Variants in CIAO2A observed in about 807,000 individuals in gnomAD.
The protein encoded by CIAO2A is cytosolic iron-sulfur assembly component 2A.
Under a neutral mutation model 22.4 loss-of-function variants are expected in CIAO2A, and 17 were observed. The observed-to-expected ratio is 0.76, with a 90% CI of 0.52 to 1.14. CIAO2A has a LOEUF of 1.14. Among genes scored for constraint, CIAO2A ranks in the 50% most tolerant of loss-of-function variants. The pLI is 0.00. For missense variants in CIAO2A, 192 were observed against 191.4 expected (o/e 1.00, Z -0.02); for synonymous variants, 74 against 72.3 (o/e 1.02, Z -0.12).
rs937155162 is a variant in CIAO2A, at chr15:64,078,280, T to C, written c.340-2743A>G. Among the ~76,000 whole-genome samples, 42 of 152,302 alleles carry C rather than the reference T, an allele frequency of 2.8e-4. 1 individual carries two copies. The highest frequency in any genetic ancestry group is 1.0e-3 in the African/African-American group (42 of 41,564). On this transcript the variant is annotated intron_variant, in intron 3 of 4. Transcript: ENST00000300030. ...AGACGTATTTATTGAGCTCCAAATA[T>C]GTATAAGATCATAGCAGGAACACAG...
chr15:64,084,485 T>G (rs1445766112), intron 2 of CIAO2A, among the ~76,000 whole-genome samples: 2 of 152,138 alleles, frequency 1.3e-5, no homozygotes, highest in Non-Finnish European at 2.9e-5. Flanking sequence ...AATATTTATA[T>G]AAGGCCAGGC....
At chr15:64,085,255 C>G (rs1050167413) in intron 2 of CIAO2A, among the ~76,000 whole-genome samples, 5 of 151,940 alleles carry the variant, frequency 3.3e-5, no homozygotes, top group Admixed American at 3.3e-4. Flanking sequence ...TTAATGATGG[C>G]CAGGTATGGT....
intron 4 of CIAO2A, among the ~76,000 whole-genome samples, chr15:64,073,431 T>C (rs1369361551): frequency 1.3e-5 from 2 of 152,228 alleles, no homozygotes; most frequent in Admixed American, 6.5e-5. Context: ...TTTAAACATA[T>C]AGCCTTCTTT....
chr15:64,077,807 C>T (rs1014655160), intron 3 of CIAO2A, among the ~76,000 whole-genome samples: 3 of 152,092 alleles, frequency 2.0e-5, no homozygotes, highest in East Asian at 1.9e-4. Context: ...GAGGAGGGAC[C>T]GCCATGAAGG....
intron 4 of CIAO2A, 61 bp from the exon 5 acceptor site, chr15:64,073,089 T>A: frequency 9.0e-7 from 1 of 1,112,726 alleles, no homozygotes; most frequent in Non-Finnish European, 1.3e-6. Context: ...CACCAGACAG[T>A]ATTTTTATTA....
chr15:64,088,722 G>A lies in CIAO2A; in HGVS notation c.254C>T (p.Pro85Leu). Residue 85 changes from proline to leucine, a missense_variant, in exon 2 of 5, where the codon CCA (proline) becomes CTA (leucine). Coordinates refer to ENST00000300030, the MANE Select transcript of CIAO2A (RefSeq NM_032231.7). ...CGCCAAAGAGCAATGAGGTACTGTT[G>A]GCGTGAACCTGATAATAACCAGATA... ...EEYLVIIRFT[P>L]TVPHCSLATL... 1 of 1,613,572 alleles carries A rather than the reference G, an allele frequency of 6.2e-7. No homozygotes were observed. The highest frequency in any genetic ancestry group is 1.3e-5 in the African/African-American group (1 of 74,992).
chr15:64,093,771 T>G lies in CIAO2A; in HGVS notation c.-3A>C, dbSNP rs749485156. 6.2e-7 allele frequency: 1 copy of G among 1,609,758 alleles called. No homozygotes were observed. Among genetic ancestry groups the G allele is most frequent in the African/African-American group, 1.3e-5 (1 of 74,822 alleles). Reference sequence around the variant, plus strand: ...AGCAGCCCGGACACCCGCTGCATCTTCACGCTCAGCCATCCCTGGCGACTG... The same window carrying G: ...AGCAGCCCGGACACCCGCTGCATCTGCACGCTCAGCCATCCCTGGCGACTG... On this transcript the variant is annotated 5_prime_UTR_variant, in exon 1 of 5. Coordinates refer to ENST00000300030, the MANE Select transcript of CIAO2A (RefSeq NM_032231.7).
At chr15:64,093,503 A>T (rs890277158) in intron 1 of CIAO2A, 142 bp downstream of exon 1, 36 of 993,012 alleles carry the variant, frequency 3.6e-5, no homozygotes, top group Middle Eastern at 3.6e-4. Context: ...GCCCCGGACA[A>T]GATCTGGCCA....
At chr15:64,092,063 C>CA (rs35475525) in intron 1 of CIAO2A, among the ~76,000 whole-genome samples, 18,331 of 62,184 alleles carry the variant, frequency 0.29, 2,202 homozygotes, top group South Asian at 0.55. Flanking sequence ...GACCCTGTCT[C>CA]AAAAAAAAAA....
At position 64,087,226 on chromosome 15, in the gene CIAO2A, G is replaced by A. The variant is rs186965738; in HGVS notation, c.289+1461C>T. Among the ~76,000 whole-genome samples, 42 of 151,698 alleles carry A rather than the reference G, an allele frequency of 2.8e-4. 1 individual carries two copies. The East Asian group carries it at 7.2e-3, about 26-fold the overall frequency. ...CCTGCCTCAGCCTCCTGAGTAGCTG[G>A]GACTACAGGCACCCGTCACCATGCC... On this transcript the variant is annotated intron_variant, in intron 2 of 4. Transcript: ENST00000300030.
intron 2 of CIAO2A, among the ~76,000 whole-genome samples, chr15:64,082,474 C>T (rs561500921): frequency 6.6e-6 from 1 of 152,070 alleles, no homozygotes; most frequent in South Asian, 2.1e-4. Context: ...GTGATCTGCC[C>T]GCCTCGGCCT....
chr15:64,090,561 G>T (rs2080832743), intron 1 of CIAO2A, among the ~76,000 whole-genome samples: 1 of 152,138 alleles, frequency 6.6e-6, no homozygotes, highest in Non-Finnish European at 1.5e-5. Flanking sequence ...AAAGCAAAAA[G>T]AACTAGAGGA....
At chr15:64,081,539 T>C (rs915364731) in intron 2 of CIAO2A, among the ~76,000 whole-genome samples, 1 of 148,678 alleles carries the variant, frequency 6.7e-6, no homozygotes, top group Admixed American at 6.7e-5. Context: ...TTAAGCCTTT[T>C]TTTTTTTTTT....
chr15:64,088,986 C>T (rs1178532457), intron 1 of CIAO2A, 135 bp from the exon 2 acceptor site: 12 of 731,254 alleles, frequency 1.6e-5, no homozygotes, highest in Non-Finnish European at 2.4e-5. Context: ...AGGTTTCTGA[C>T]AGAAATTTTC....
chr15:64,086,085 C>T (rs545719752), intron 2 of CIAO2A, among the ~76,000 whole-genome samples: 1 of 151,700 alleles, frequency 6.6e-6, no homozygotes, highest in East Asian at 1.9e-4. Context: ...ACATGTTACT[C>T]ATATAATTTA....
intron 1 of CIAO2A, among the ~76,000 whole-genome samples, chr15:64,090,521 C>T (rs752718758): frequency 6.6e-6 from 1 of 152,118 alleles, no homozygotes; most frequent in Non-Finnish European, 1.5e-5. Context: ...CCATGCGAAG[C>T]ACCTAACTTA....
chr15:64,077,039 G>A (rs558108340), intron 3 of CIAO2A, among the ~76,000 whole-genome samples: 11 of 152,296 alleles, frequency 7.2e-5, no homozygotes, highest in Admixed American at 2.6e-4. Context: ...CAAGCCGGGC[G>A]TGGTGGCTCA....
chr15:64,087,974 G>C (rs932193303), intron 2 of CIAO2A, among the ~76,000 whole-genome samples: 4 of 152,126 alleles, frequency 2.6e-5, no homozygotes, highest in African/African-American at 9.7e-5. Flanking sequence ...ATGTCATAGA[G>C]ATCTCTCCAT....
chr15:64,087,984 T>C (rs943780146), intron 2 of CIAO2A, among the ~76,000 whole-genome samples: 1 of 152,242 alleles, frequency 6.6e-6, no homozygotes, highest in Non-Finnish European at 1.5e-5. Flanking sequence ...GATCTCTCCA[T>C]ATCAGTACAT....
Sources: gnomAD v4.1 joint callset for allele counts (sites outside exome capture counted in the v4.1 genomes callset) on GRCh38, gnomAD v4.1.1 for gene constraint, MANE v1.5 for transcripts, NCBI Gene and HGNC (gene_info 2026-07-23, HGNC 2026-07-21) for gene names.